The following ERI3 variants were observed in gnomAD, a reference collection of about 807,000 sequenced individuals.
ERI3 encodes ERI1 exoribonuclease 3.
In ERI3, 18 loss-of-function variants were observed where a neutral mutation model predicts 44.4. The ratio of observed to expected loss-of-function variants is 0.41; its 90% CI spans 0.28 to 0.60. The LOEUF is 0.60. Among genes scored for constraint, ERI3 ranks in the 20% least tolerant of loss-of-function variants. The pLI, the probability that ERI3 is intolerant of heterozygous loss-of-function variation, is 0.36. For synonymous variants in ERI3, 183 were observed against 164.8 expected, an observed-to-expected ratio of 1.11 and a Z score of -0.84; for missense variants, 294 against 435.5, an observed-to-expected ratio of 0.68 and a Z score of 2.89.
chr1:44,342,209 G>A (rs554041487), intron 2 of ERI3, among the ~76,000 whole-genome samples: 1 of 152,264 alleles, frequency 6.6e-6, no homozygotes, highest in African/African-American at 2.4e-5. Context: ...TGCAGAAGTG[G>A]GAAGGTGTGG....
At chr1:44,247,326 T>G (rs752185097) in intron 8 of ERI3, among the ~76,000 whole-genome samples, 36 of 152,296 alleles carry the variant, frequency 2.4e-4, no homozygotes, top group Middle Eastern at 3.4e-3. Context: ...CCTGGAATCA[T>G]AGCCACTCCA....
rs145295637 is a variant in ERI3 at position 44,309,936 on chromosome 1, C to G, written c.667-1535G>C. ...ATTGGAAGTCAGACACATCTGGATT[C>G]CAACCCTCCAACCCTTGGCTATTCC... On this transcript the variant is annotated intron_variant, in intron 5 of 8. Coordinates refer to ENST00000372257, the MANE Select transcript of ERI3 (RefSeq NM_024066.3). Among the ~76,000 whole-genome samples, 8 of 151,994 alleles carry G rather than the reference C, an allele frequency of 5.3e-5. No homozygotes were observed. In the East Asian group the frequency reaches 1.6e-3, roughly 29 times the overall value.
chr1:44,326,750 A>C (rs1270878918), intron 3 of ERI3, among the ~76,000 whole-genome samples: 1 of 152,204 alleles, frequency 6.6e-6, no homozygotes, highest in Non-Finnish European at 1.5e-5. Flanking sequence ...CGGAGCTTTA[A>C]AAGGCTGATT....
intron 6 of ERI3, among the ~76,000 whole-genome samples, chr1:44,307,018 ACTC>A (rs1382837598): frequency 6.6e-6 from 1 of 151,280 alleles, no homozygotes; most frequent in Non-Finnish European, 1.5e-5. Flanking sequence ...TTTTCCATGG[ACTC>A]CTCCTCTGAT....
At chr1:44,322,974 C>T (rs1201572621) in intron 3 of ERI3, 11 of 1,363,984 alleles carry the variant, frequency 8.1e-6, no homozygotes, top group Non-Finnish European at 1.1e-5. Flanking sequence ...CAAGTGCCAG[C>T]CTCTATGTCC....
intron 8 of ERI3, among the ~76,000 whole-genome samples, chr1:44,240,556 G>C (rs1198565558): frequency 2.6e-5 from 4 of 152,196 alleles, no homozygotes; most frequent in Admixed American, 2.6e-4. Flanking sequence ...TTGCTGAGCA[G>C]CAATCGGTCA....
intron 3 of ERI3, among the ~76,000 whole-genome samples, chr1:44,332,921 C>T (rs979210676): frequency 1.3e-5 from 2 of 152,194 alleles, no homozygotes; most frequent in Non-Finnish European, 2.9e-5. Flanking sequence ...CCCACCATCA[C>T]TGGCCATCAA....
chr1:44,313,073 C>T, intron 5 of ERI3, 96 bp downstream of exon 5: 1 of 1,045,678 alleles, frequency 9.6e-7, no homozygotes, highest in Non-Finnish European at 1.5e-6. Flanking sequence ...AAGCCATAAT[C>T]ATAGTCAAAT....
rs116380482 is a variant in ERI3 at position 44,232,924 on chromosome 1, G to A, written c.932-11284C>T. Among the ~76,000 whole-genome samples the A allele has an allele frequency of 5.6e-3, 846 of 152,262 alleles. 5 individuals are homozygous for A. Among genetic ancestry groups the A allele is most frequent in the African/African-American group, 0.019 (777 of 41,530 alleles). ...AAGTCATAGTTTCTGTCCTAGCAAC[G>A]TAACTGACATGTCTGCCTTTGGAGC... is the stretch of plus-strand genomic sequence containing the variant. On this transcript the variant is annotated intron_variant, in intron 8 of 8. Coordinates refer to ENST00000372257, the MANE Select transcript of ERI3 (RefSeq NM_024066.3).
At chr1:44,350,218 C>T (rs891463188) in intron 2 of ERI3, among the ~76,000 whole-genome samples, 6 of 151,994 alleles carry the variant, frequency 3.9e-5, no homozygotes, top group Admixed American at 2.6e-4. Context: ...TCCAGGGCTC[C>T]GTTTATTCCA....
chr1:44,350,185 T>C (rs1049961443), intron 2 of ERI3, among the ~76,000 whole-genome samples: 1 of 152,218 alleles, frequency 6.6e-6, no homozygotes, highest in Non-Finnish European at 1.5e-5. Context: ...CAATAAGCTA[T>C]GAGCCCTAAG....
intron 7 of ERI3, among the ~76,000 whole-genome samples, chr1:44,249,207 G>GC (rs1553183779): frequency 4.3e-4 from 66 of 152,296 alleles, no homozygotes; most frequent in Middle Eastern, 3.4e-3. Context: ...CCTTCTACCA[G>GC]TGGCAGGACA....
chr1:44,285,918 T>C (rs990820427), intron 6 of ERI3, among the ~76,000 whole-genome samples: 2 of 152,126 alleles, frequency 1.3e-5, no homozygotes, highest in African/African-American at 2.4e-5. Context: ...TTTACCAAGA[T>C]TGTTCTGGAT....
intron 4 of ERI3, among the ~76,000 whole-genome samples, chr1:44,315,657 T>C (rs1646072470): frequency 6.6e-6 from 1 of 152,222 alleles, no homozygotes. Context: ...CCATTTTCAT[T>C]TGTGGCTCAG....
intron 7 of ERI3, among the ~76,000 whole-genome samples, chr1:44,261,612 C>T (rs902953725): frequency 6.6e-6 from 1 of 152,260 alleles, no homozygotes; most frequent in Non-Finnish European, 1.5e-5. Context: ...CTTAGAGAGC[C>T]GCTCTGAGGA....
chr1:44,339,702 G>A (rs1344966280), intron 2 of ERI3, among the ~76,000 whole-genome samples: 1 of 152,214 alleles, frequency 6.6e-6, no homozygotes, highest in Non-Finnish European at 1.5e-5. Context: ...TGGGTCCAAA[G>A]TAACGTGAGG....
chr1:44,226,534 T>C lies in ERI3; in HGVS notation c.932-4894A>G, dbSNP rs558377701. Among the ~76,000 whole-genome samples, 72 of 152,102 alleles carry C rather than the reference T, an allele frequency of 4.7e-4. No homozygotes were observed. The South Asian group carries it at 9.8e-3, about 21-fold the overall frequency. On this transcript the variant is annotated intron_variant, in intron 8 of 8. Coordinates refer to ENST00000372257, the MANE Select transcript of ERI3 (RefSeq NM_024066.3). ...AATGGAGGAGAAGATCTATTGATGA[T>C]GTGGGGGAAGTGGATGGAGGTAAGA...
intron 7 of ERI3, among the ~76,000 whole-genome samples, chr1:44,250,728 A>AG (rs957732881): frequency 7.0e-5 from 10 of 143,854 alleles, no homozygotes; most frequent in South Asian, 2.5e-4. Flanking sequence ...GCACTTCCTC[A>AG]GGGGGGGCAT....
At chr1:44,342,855 ATATTTTTTTTTTTTTT>A (rs1646708597) in intron 2 of ERI3, among the ~76,000 whole-genome samples, 2 of 28,740 alleles carry the variant, frequency 7.0e-5, no homozygotes, top group African/African-American at 1.7e-4. Flanking sequence ...ATATATATAT[ATATTTTTTTTTTTTTT>A]TTTTTTTTTT....
Sources: allele counts gnomAD v4.1 joint callset (sites outside exome capture counted in the v4.1 genomes callset), GRCh38; gene constraint gnomAD v4.1.1; transcripts MANE v1.5; gene names NCBI Gene and HGNC (gene_info 2026-07-23, HGNC 2026-07-21).